Variants in CDK12 observed in about 807,000 individuals in gnomAD.
CDK12 encodes the protein cyclin-dependent kinase 12.
Under a neutral mutation model 133.8 loss-of-function variants are expected in CDK12, and 17 were observed. The observed-to-expected ratio is 0.13, with a 90% CI of 0.09 to 0.19. The LOEUF is 0.19. Among genes scored for constraint, CDK12 ranks in the 10% least tolerant of loss-of-function variants. CDK12 has a pLI of 1.00. For missense variants in CDK12, 1,508 were observed against 1,818.7 expected (o/e 0.83, Z 3.11); for synonymous variants, 694 against 683.6 (o/e 1.02, Z -0.24).
At chr17:39,485,400 T>TC (rs1310751304) in intron 2 of CDK12, among the ~76,000 whole-genome samples, 153 of 100,952 alleles carry the variant, frequency 1.5e-3, no homozygotes, top group African/African-American at 2.7e-3. Context: ...AGCTTAGGCA[T>TC]CCCCCCCCTT....
chr17:39,496,425 T>C (rs2145961986), intron 5 of CDK12, among the ~76,000 whole-genome samples: 1 of 152,062 alleles, frequency 6.6e-6, no homozygotes, highest in East Asian at 1.9e-4. Context: ...ATAGGCCAGG[T>C]GCAGTGGCTC....
chr17:39,537,672 C>T (rs927407522), downstream of CDK12, among the ~76,000 whole-genome samples: 1 of 151,758 alleles, frequency 6.6e-6, no homozygotes, highest in East Asian at 1.9e-4. Flanking sequence ...CAGCAATTCT[C>T]CTGTCTCAGC....
chr17:39,551,966 G>A (rs755450218), intron 2 of CDK12, among the ~76,000 whole-genome samples: 5 of 152,144 alleles, frequency 3.3e-5, no homozygotes, highest in Non-Finnish European at 5.9e-5. Flanking sequence ...AGCTTGGAAA[G>A]CAGTGCCAGT....
At chr17:39,501,848 G>GTT (rs1038854970) in intron 6 of CDK12, among the ~76,000 whole-genome samples, 3 of 142,288 alleles carry the variant, frequency 2.1e-5, no homozygotes, top group African/African-American at 7.7e-5. Context: ...TTTTTGTTTT[G>GTT]TTTTTTTTTT....
At chr17:39,489,494 G>C (rs1461605114) in intron 2 of CDK12, among the ~76,000 whole-genome samples, 2 of 144,664 alleles carry the variant, frequency 1.4e-5, no homozygotes, top group African/African-American at 5.1e-5. Flanking sequence ...CATGAGTACT[G>C]TGCCTGTTCT....
chr17:39,471,972 A>G (rs895908028), intron 2 of CDK12, among the ~76,000 whole-genome samples: 1 of 151,900 alleles, frequency 6.6e-6, no homozygotes, highest in African/African-American at 2.4e-5. Flanking sequence ...CATTAAGTTT[A>G]TTTTATTTAT....
intron 4 of CDK12, among the ~76,000 whole-genome samples, chr17:39,493,184 G>A (rs900272470): frequency 3.8e-5 from 3 of 79,584 alleles, no homozygotes; most frequent in Admixed American, 1.3e-4. Flanking sequence ...TTTTTTTTTA[G>A]TAGAAACAGG....
In CDK12 at chr17:39,476,791, C is replaced by T. The variant is rs570725320; in HGVS notation, c.1931+5028C>T. 7.2e-4 allele frequency among the ~76,000 whole-genome samples: 92 copies of T among 128,210 alleles called. 1 individual carries two copies. Among genetic ancestry groups the T allele is most frequent in the African/African-American group, 2.7e-3 (90 of 33,768 alleles). 84.1% of individuals were successfully genotyped at this position (128,210 alleles called of 152,430 possible). ...AGGCTGGAGTGCAATGGGGCAATCTCAGCTCACGCAACCTCCGCCTCCCAA... is the reference window on the plus strand; with the variant it reads ...AGGCTGGAGTGCAATGGGGCAATCTTAGCTCACGCAACCTCCGCCTCCCAA... On this transcript the variant is annotated intron_variant, in intron 2 of 13. Transcript: ENST00000447079.
Position 39,531,317 on chromosome 17 carries a change from C to T in CDK12, c.*1C>T, listed in dbSNP as rs1363798062. On this transcript the variant is annotated 3_prime_UTR_variant, in exon 14 of 14. Transcript: ENST00000447079. ...AAGAGGGAGAGGAGTTCCTTACTAA[C>T]CCAGAGACTTCAGTGTCCTGAAAGA... 5 of 1,473,818 alleles carry T rather than the reference C, an allele frequency of 3.4e-6. No individual in the cohort carries two copies. Among genetic ancestry groups the T allele is most frequent in the Non-Finnish European group, 3.6e-6 (4 of 1,114,250 alleles). The allele number at this position is 1,473,818 out of a possible 1,614,324, so 91.3% of individuals were successfully genotyped here.
chr17:39,474,221 A>T (rs1415873079), intron 2 of CDK12, among the ~76,000 whole-genome samples: 1 of 152,196 alleles, frequency 6.6e-6, no homozygotes, highest in Non-Finnish European at 1.5e-5. Context: ...CATTTATTGA[A>T]ACAAACTTTT....
At position 39,471,868 on chromosome 17, in the gene CDK12, T is replaced by C. The variant is rs2049823055; in HGVS notation, c.1931+105T>C. On this transcript the variant is annotated intron_variant, in intron 2 of 13. Transcript: ENST00000447079. The stretch of plus-strand genomic sequence containing the variant: ...CCCTCATGGTTTTATGAACAGGAAA[T>C]GTCTTTGATATTTTCAGTGGGAAAG... 2.9e-6 allele frequency: 3 copies of C among 1,020,548 alleles called. No homozygotes were observed. The South Asian group carries it at 5.1e-5, about 18-fold the overall frequency. 63.2% of individuals were successfully genotyped at this position (1,020,548 alleles called of 1,614,324 possible).
chr17:39,463,934 G>A (rs2049119062), intron 1 of CDK12, among the ~76,000 whole-genome samples: 1 of 151,856 alleles, frequency 6.6e-6, no homozygotes, highest in Non-Finnish European at 1.5e-5. Context: ...CTCCTTTGTG[G>A]CCTCACTTCT....
At chr17:39,501,751 TC>T (rs2052730334) in intron 6 of CDK12, among the ~76,000 whole-genome samples, 1 of 152,198 alleles carries the variant, frequency 6.6e-6, no homozygotes, top group South Asian at 2.1e-4. Flanking sequence ...TGTTAATTCA[TC>T]AGAAGTTTTT....
intron 6 of CDK12, among the ~76,000 whole-genome samples, chr17:39,507,461 C>T (rs1260188583): frequency 6.6e-6 from 1 of 151,762 alleles, no homozygotes; most frequent in Non-Finnish European, 1.5e-5. Context: ...TGGCACATGC[C>T]TGTAATCCCA....
In CDK12 at chr17:39,530,650, C is replaced by T. The variant is rs780141372; in HGVS notation, c.3807C>T (p.Pro1269=). ...CACCAGAGAAGAGGCCCCCTGAGCC[C>T]CCCGGACCTCCACCGCCGCCACCTC... The part of the protein sequence containing the change: ...ILPPEKRPPE[P]PGPPPPPPPP... The change falls in exon 14 of 14, where the codon CCC becomes CCT. Residue 1269 remains proline, a synonymous_variant. Transcript: ENST00000447079. 1 of 1,611,058 alleles carries T rather than the reference C, an allele frequency of 6.2e-7. No homozygotes were observed. Among genetic ancestry groups the T allele is most frequent in the South Asian group, 1.1e-5 (1 of 90,818 alleles).
rs773073791 is a variant in CDK12 at position 39,482,015 on chromosome 17, C to CATTTTTTTTTTTTTTTTTTTT, written c.1932-8542_1932-8541insATTTTTTTTTTTTTTTTTTTT. Reference sequence around the variant, plus strand: ...GATTACAGGCATGAGCCTGGCTTGCCTTTTTTTTTTTTTTTTAACAGAGTT... The same window carrying CATTTTTTTTTTTTTTTTTTTT: ...GATTACAGGCATGAGCCTGGCTTGCCATTTTTTTTTTTTTTTTTTTTTTTTTTTTTTTTTTTTAACAGAGTT... On this transcript the variant is annotated intron_variant, in intron 2 of 13. Transcript: ENST00000447079. 1.1e-4 allele frequency among the ~76,000 whole-genome samples: 11 copies of CATTTTTTTTTTTTTTTTTTTT among 96,258 alleles called. 4 individuals carry two copies. The highest frequency in any genetic ancestry group is 2.4e-4 in the Admixed American group (2 of 8,248). The allele number at this position is 96,258 out of a possible 152,430, so 63.1% of individuals were successfully genotyped here.
At chr17:39,557,881 C>T (rs554460529) in intron 3 of CDK12, among the ~76,000 whole-genome samples, 1 of 152,304 alleles carries the variant, frequency 6.6e-6, no homozygotes, top group South Asian at 2.1e-4. Flanking sequence ...ACCAGCTGTG[C>T]TACCTTGGTA....
intron 9 of CDK12, among the ~76,000 whole-genome samples, chr17:39,516,199 C>T (rs1017884923): frequency 3.3e-5 from 5 of 151,986 alleles, no homozygotes; most frequent in African/African-American, 1.2e-4. Context: ...TCAAAGAATT[C>T]AGAGTTTAGT....
chr17:39,493,691 A>G (rs574095125), intron 4 of CDK12, among the ~76,000 whole-genome samples: 4 of 152,034 alleles, frequency 2.6e-5, no homozygotes, highest in Non-Finnish European at 4.4e-5. Context: ...AAAGAATACT[A>G]TAATTATAAC....
Sources: gnomAD v4.1 joint callset for allele counts (sites outside exome capture counted in the v4.1 genomes callset) on GRCh38, gnomAD v4.1.1 for gene constraint, MANE v1.5 for transcripts, NCBI Gene and HGNC (gene_info 2026-07-23, HGNC 2026-07-21) for gene names.